LRATD1: variants seen among roughly 807,000 people sequenced by gnomAD.
The protein encoded by LRATD1 is protein LRATD1.
Under a neutral mutation model 21.3 loss-of-function variants are expected in LRATD1, and 8 were observed. The observed-to-expected ratio is 0.38, with a 90% CI of 0.22 to 0.68. The LOEUF is 0.68. Ranked by LOEUF, LRATD1 falls within the 30% of genes least tolerant of loss-of-function variation. The probability of loss-of-function intolerance (pLI) is 0.54; values close to 1 mark genes in which losing one functional copy is unlikely to be tolerated. For synonymous variants in LRATD1, 210 were observed against 186.2 expected, an observed-to-expected ratio of 1.13 and a Z score of -1.04; for missense variants, 380 against 404.0, an observed-to-expected ratio of 0.94 and a Z score of 0.51.
rs1671656566 is a variant in LRATD1 at position 14,635,123 on chromosome 2, G to A, written c.*265G>A. The A allele has an allele frequency of 1.4e-6, 1 of 702,400 alleles. No individual in the cohort carries two copies. Among genetic ancestry groups the A allele is most frequent in the Admixed American group, 2.0e-5 (1 of 49,220 alleles). The allele number at this position is 702,400 out of a possible 1,614,324, so 43.5% of individuals were successfully genotyped here. A position where few individuals can be genotyped will look rare whatever the true frequency, so the allele number is the denominator to read the frequency against. ...TGGTGACGGTGCTGGGAGACCCCGC[G>A]TGCGCTTTCCCCTTGAGATGTAAAC... On this transcript the variant is annotated 3_prime_UTR_variant, in exon 2 of 2. Transcript: ENST00000295092.
At chr2:14,650,651 A>T (rs1303585260), downstream of LRATD1, 3 of 152,166 alleles carry the variant, frequency 2.0e-5, no homozygotes, top group Non-Finnish European at 4.4e-5. Context: ...AGCATCACCA[A>T]TGTCAATATA....
Position 14,637,137 on chromosome 2 carries a change from T to G in LRATD1, c.*2279T>G, listed in dbSNP as rs537968328. 6.0e-6 allele frequency: 1 copy of G among 167,120 alleles called. No homozygotes were observed. The highest frequency in any genetic ancestry group is 2.4e-5 in the African/African-American group (1 of 41,556). 10.4% of individuals were successfully genotyped at this position (167,120 alleles called of 1,614,324 possible). A position where few individuals can be genotyped will look rare whatever the true frequency, so the allele number is the denominator to read the frequency against. ...GGTGGCAGATCATAAAATGAATTCT[T>G]TATTGTATCTACACACTCCACATTC... On this transcript the variant is annotated 3_prime_UTR_variant, in exon 2 of 2. Transcript: ENST00000295092.
downstream of LRATD1, among the ~76,000 whole-genome samples, chr2:14,643,011 G>T (rs904420204): frequency 6.6e-6 from 1 of 152,072 alleles, no homozygotes; most frequent in Admixed American, 6.5e-5. Flanking sequence ...ATATCCTGTT[G>T]AGAAAAAAAG....
At position 14,634,109 on chromosome 2, in the gene LRATD1, C is replaced by A; in HGVS notation, c.130C>A (p.Leu44Met). 6.2e-7 allele frequency: 1 copy of A among 1,614,196 alleles called. No individual in the cohort carries two copies. Among genetic ancestry groups the A allele is most frequent in the Non-Finnish European group, 8.5e-7 (1 of 1,180,040 alleles). ...AYFFSDDEED[L>M]DERGQPDKFG... Reference sequence around the variant, plus strand: ...CTTCTTCTCGGATGATGAGGAAGACCTGGACGAACGCGGGCAGCCCGACAA... The same window carrying A: ...CTTCTTCTCGGATGATGAGGAAGACATGGACGAACGCGGGCAGCCCGACAA... Residue 44 changes from leucine (L) to methionine (M), a missense_variant, in exon 2 of 2, where the codon CTG becomes ATG. Physicochemically the swap from Leu to Met is conservative, Grantham distance 15 (BLOSUM62 2). Transcript: ENST00000295092.
downstream of LRATD1, among the ~76,000 whole-genome samples, chr2:14,644,753 A>G (rs1242841126): frequency 6.6e-6 from 1 of 152,072 alleles, no homozygotes; most frequent in Non-Finnish European, 1.5e-5. Context: ...GTCTCACCCA[A>G]GGAGAGAGGC....
chr2:14,639,609 T>C lies in LRATD1; in HGVS notation c.*4751T>C, dbSNP rs961912611. The C allele has an allele frequency of 1.2e-5, 2 of 167,112 alleles. No individual in the cohort carries two copies. The highest frequency in any genetic ancestry group is 4.8e-5 in the African/African-American group (2 of 41,470). 10.4% of individuals were successfully genotyped at this position (167,112 alleles called of 1,614,324 possible). Reference sequence around the variant, plus strand: ...GAAGAGGTTTAAGTATTTGAATAAGTTGGGAAAAAAAGGAAAAATAGTCTT... The same window carrying C: ...GAAGAGGTTTAAGTATTTGAATAAGCTGGGAAAAAAAGGAAAAATAGTCTT... On this transcript the variant is annotated 3_prime_UTR_variant, in exon 2 of 2. Transcript: ENST00000295092.
chr2:14,642,144 G>C (rs1003912903), downstream of LRATD1: 4 of 152,550 alleles, frequency 2.6e-5, no homozygotes, highest in African/African-American at 9.7e-5. Flanking sequence ...TGGGCTAACG[G>C]TGTGTATCAA....
Position 14,634,829 on chromosome 2 carries a change from C to T in LRATD1, c.850C>T (p.Leu284Phe). 6.2e-7 allele frequency: 1 copy of T among 1,609,518 alleles called. No homozygotes were observed. The highest frequency in any genetic ancestry group is 8.5e-7 in the Non-Finnish European group (1 of 1,177,260). The change falls in exon 2 of 2, where the codon CTC becomes TTC. Residue 284 changes from leucine to phenylalanine, a missense_variant. Transcript: ENST00000295092. ...CGGCCGCCTGCGAGTGCTCCAGGAG[C>T]TCGCCGACCTCGTGGACGACAAGGA... ...ASGRLRVLQELADLVDDKE is the reference protein window; with the variant it reads ...ASGRLRVLQEFADLVDDKE
rs968063907 is a variant in LRATD1, at chr2:14,639,956, G to A, written c.*5098G>A. The stretch of plus-strand genomic sequence containing the variant: ...GGCTCTTGGAAATATAACTTATGGG[G>A]CTTAAGGCTAATTTGAGTTGAAGGG... On this transcript the variant is annotated 3_prime_UTR_variant, in exon 2 of 2. Transcript: ENST00000295092. The A allele has an allele frequency of 1.2e-5, 2 of 167,114 alleles. No homozygotes were observed. The highest frequency in any genetic ancestry group is 4.8e-5 in the African/African-American group (2 of 41,458). 10.4% of individuals were successfully genotyped at this position (167,114 alleles called of 1,614,324 possible).
downstream of LRATD1, among the ~76,000 whole-genome samples, chr2:14,642,579 C>T (rs1465979130): frequency 7.6e-6 from 1 of 131,282 alleles, no homozygotes; most frequent in East Asian, 2.3e-4. Flanking sequence ...TATTGTTTAC[C>T]TTTTGGAAAG....
intron 4 of LRATD1, among the ~76,000 whole-genome samples, chr2:14,648,169 T>C (rs1671928169): frequency 6.6e-6 from 1 of 152,206 alleles, no homozygotes; most frequent in Non-Finnish European, 1.5e-5. Flanking sequence ...AGGAAAATTG[T>C]ATAAATATTG....
chr2:14,645,704 T>C (rs910872700), intron 2 of LRATD1, among the ~76,000 whole-genome samples: 2 of 152,184 alleles, frequency 1.3e-5, no homozygotes, highest in Non-Finnish European at 1.5e-5. Flanking sequence ...TCCAACCTTA[T>C]AGGGCCACAA....
intron 4 of LRATD1, chr2:14,649,189 G>A (rs957710443): frequency 2.0e-5 from 9 of 439,872 alleles, no homozygotes; most frequent in Non-Finnish European, 2.7e-5. Flanking sequence ...ATGAGCATGT[G>A]TAGGGGTTGG....
At chr2:14,643,835 A>T (rs1338098958), downstream of LRATD1, among the ~76,000 whole-genome samples, 1 of 152,176 alleles carries the variant, frequency 6.6e-6, no homozygotes, top group Non-Finnish European at 1.5e-5. Flanking sequence ...AACTATGTCA[A>T]ACATAGTCTG....
chr2:14,646,432 T>C (rs796139105), exon 4 of LRATD1: 11 of 152,294 alleles, frequency 7.2e-5, no homozygotes, highest in African/African-American at 2.6e-4. Context: ...TGGATAATAG[T>C]CAAGGCGTCT....
At chr2:14,651,195 A>G (rs1417733469), downstream of LRATD1, among the ~76,000 whole-genome samples, 1 of 151,814 alleles carries the variant, frequency 6.6e-6, no homozygotes, top group Non-Finnish European at 1.5e-5. Flanking sequence ...TGGATCTCAT[A>G]TTGTTTCTTT....
In LRATD1 at chr2:14,634,199, C is replaced by T. The variant is rs1159427358; in HGVS notation, c.220C>T (p.His74Tyr). ...CPESPSRHHH[H>Y]LLHQLVLNET... is the part of the protein sequence containing the mutation. ...GGAGAGCCCCAGCCGCCACCACCACCACCTGCTGCACCAGCTGGTCCTCAA... is the reference window on the plus strand; with the variant it reads ...GGAGAGCCCCAGCCGCCACCACCACTACCTGCTGCACCAGCTGGTCCTCAA... Residue 74 changes from histidine to tyrosine, a missense_variant, in exon 2 of 2, where the codon CAC becomes TAC. By Grantham distance (83) the His-to-Tyr change is moderately conservative. Coordinates refer to ENST00000295092, the MANE Select transcript of LRATD1 (RefSeq NM_145175.4). 1.9e-6 allele frequency: 3 copies of T among 1,613,340 alleles called. No homozygotes were observed. In the Admixed American group the frequency reaches 5.0e-5, roughly 27 times the overall value.
rs970601390 is a variant in LRATD1 at position 14,635,608 on chromosome 2, G to T, written c.*750G>T. 4.2e-6 allele frequency: 2 copies of T among 470,906 alleles called. No individual in the cohort carries two copies. Among genetic ancestry groups the T allele is most frequent in the African/African-American group, 4.0e-5 (2 of 50,082 alleles). 29.2% of individuals were successfully genotyped at this position (470,906 alleles called of 1,614,324 possible). A position where few individuals can be genotyped will look rare whatever the true frequency, so the allele number is the denominator to read the frequency against. On this transcript the variant is annotated 3_prime_UTR_variant, in exon 2 of 2. Coordinates refer to ENST00000295092, the MANE Select transcript of LRATD1 (RefSeq NM_145175.4). ...CTCCCTCGCTGGCAGAAGGGAAGCC[G>T]GCCCGGTCCCGGGAGGAAGATGGCG... is the stretch of plus-strand genomic sequence containing the variant.
At chr2:14,651,295 T>A (rs1042946639), downstream of LRATD1, among the ~76,000 whole-genome samples, 2 of 152,118 alleles carry the variant, frequency 1.3e-5, no homozygotes, top group Non-Finnish European at 2.9e-5. Flanking sequence ...CTTCTATGCA[T>A]CCATTATGCT....
Sources: allele counts gnomAD v4.1 joint callset (sites outside exome capture counted in the v4.1 genomes callset), GRCh38; gene constraint gnomAD v4.1.1; transcripts MANE v1.5; gene names NCBI Gene and HGNC (gene_info 2026-07-23, HGNC 2026-07-21).